The following PPP4R2 variants were observed in gnomAD, a reference collection of about 807,000 sequenced individuals.
The protein encoded by PPP4R2 is serine/threonine-protein phosphatase 4 regulatory subunit 2.
Under a neutral mutation model 47.2 loss-of-function variants are expected in PPP4R2, and 13 were observed. The ratio of observed to expected loss-of-function variants is 0.28; its 90% CI spans 0.18 to 0.44. The LOEUF is 0.44. PPP4R2 is among the 20% of genes least tolerant of loss of function. The pLI is 1.00. For missense variants in PPP4R2, 421 were observed against 491.2 expected, an observed-to-expected ratio of 0.86 and a Z score of 1.35; for synonymous variants, 151 against 163.3, an observed-to-expected ratio of 0.92 and a Z score of 0.57.
intron 2 of PPP4R2, among the ~76,000 whole-genome samples, chr3:73,022,520 G>T (rs1361682186): frequency 6.6e-6 from 1 of 152,148 alleles, no homozygotes; most frequent in Non-Finnish European, 1.5e-5. Flanking sequence ...GGTTAGATTA[G>T]ATGGGAATAA....
chr3:73,010,315 C>T (rs148123776), intron 2 of PPP4R2, among the ~76,000 whole-genome samples: 1 of 152,146 alleles, frequency 6.6e-6, no homozygotes, highest in Non-Finnish European at 1.5e-5. Context: ...CTTGACCTCC[C>T]GGGCTTAAAT....
chr3:73,014,811 G>A (rs1193108663), intron 2 of PPP4R2: 3 of 403,030 alleles, frequency 7.4e-6, no homozygotes, highest in African/African-American at 6.1e-5. Context: ...AGATTTGAAA[G>A]TGATAATATT....
At position 73,065,145 on chromosome 3, in the gene PPP4R2, T is replaced by C. The variant is rs1183052031; in HGVS notation, c.928+4T>C. On this transcript the variant is annotated splice_donor_region_variant and intron_variant, in intron 8 of 8. Transcript: ENST00000356692. ...GAGGATGAAGAGGAAGAAGAAGGTA[T>C]TTAGAGACCATCTGTAAAAGGGTGG... is the stretch of plus-strand genomic sequence containing the variant. 7.5e-6 allele frequency: 12 copies of C among 1,594,122 alleles called. No individual in the cohort carries two copies. The highest frequency in any genetic ancestry group is 4.1e-5 in the African/African-American group (3 of 73,934).
At position 73,026,366 on chromosome 3, in the gene PPP4R2, C is replaced by T. The variant is rs1398078607; in HGVS notation, c.117-20820C>T. 3.3e-5 allele frequency among the ~76,000 whole-genome samples: 5 copies of T among 152,072 alleles called. No individual in the cohort carries two copies. In the East Asian group the frequency reaches 9.6e-4, roughly 29 times the overall value. ...TCTCCCTCTTCTGTGTTGCTCTTGA[C>T]TTTGTGCTCATTTTAAAAGATACAT... is the stretch of plus-strand genomic sequence containing the variant. On this transcript the variant is annotated intron_variant, in intron 2 of 8. Transcript: ENST00000356692.
At chr3:73,035,558 A>G (rs1702246042) in intron 2 of PPP4R2, among the ~76,000 whole-genome samples, 1 of 152,220 alleles carries the variant, frequency 6.6e-6, no homozygotes, top group Non-Finnish European at 1.5e-5. Flanking sequence ...CTGACCTAGC[A>G]ATCCCCACTG....
chr3:73,029,333 A>G (rs1252933753), intron 2 of PPP4R2, among the ~76,000 whole-genome samples: 1 of 152,204 alleles, frequency 6.6e-6, no homozygotes, highest in Admixed American at 6.5e-5. Context: ...AATATATTTG[A>G]GGTAAAGTAA....
intron 2 of PPP4R2, among the ~76,000 whole-genome samples, chr3:73,005,177 G>A (rs1701580544): frequency 6.6e-6 from 1 of 152,080 alleles, no homozygotes; most frequent in South Asian, 2.1e-4. Context: ...TCTTGACCTC[G>A]TGATCTCCCC....
At chr3:72,998,590 T>C (rs1347179568) in intron 2 of PPP4R2, among the ~76,000 whole-genome samples, 1 of 152,230 alleles carries the variant, frequency 6.6e-6, no homozygotes, top group African/African-American at 2.4e-5. Flanking sequence ...TATTTGCATA[T>C]GTAGGTGTTT....
chr3:73,042,664 C>T (rs1009892765), intron 2 of PPP4R2, among the ~76,000 whole-genome samples: 4 of 151,954 alleles, frequency 2.6e-5, no homozygotes, highest in Non-Finnish European at 4.4e-5. Context: ...CGCCTGGCCC[C>T]TGAATTATAT....
At chr3:73,019,366 ATTATT>A (rs1701913772) in intron 2 of PPP4R2, among the ~76,000 whole-genome samples, 1 of 152,198 alleles carries the variant, frequency 6.6e-6, no homozygotes, top group East Asian at 1.9e-4. Context: ...CAAAGGAACT[ATTATT>A]TTATTTATTT....
rs1559571966 is a variant in PPP4R2 at position 73,064,938 on chromosome 3, G to A, written c.725G>A (p.Gly242Glu). The change falls in exon 8 of 9, where the codon GGG becomes GAG. Residue 242 changes from glycine to glutamate, a missense_variant. This residue lies in a region of PPP4R2 where 317 missense variants were observed against 287.5 expected (regional missense o/e 1.10). Transcript: ENST00000356692. ...GATGAAGATGCTGTGGAAGCTGAGG[G>A]GCATGAGGTAAAAAGACTCAGGTTT... The part of the protein sequence containing the change: ...HPDEDAVEAE[G>E]HEVKRLRFDK... 3 of 1,613,792 alleles carry A rather than the reference G, an allele frequency of 1.9e-6. No homozygotes were observed. Among genetic ancestry groups the A allele is most frequent in the African/African-American group, 2.7e-5 (2 of 74,994 alleles).
chr3:73,021,666 A>G (rs1295226689), intron 2 of PPP4R2, among the ~76,000 whole-genome samples: 1 of 152,158 alleles, frequency 6.6e-6, no homozygotes, highest in Non-Finnish European at 1.5e-5. Flanking sequence ...TCCTGATTTT[A>G]CATTGTTTGC....
At chr3:73,027,686 T>TGTGTGTG (rs1246443182) in intron 2 of PPP4R2, 3 of 129,470 alleles carry the variant, frequency 2.3e-5, no homozygotes, top group East Asian at 5.3e-4. Context: ...GTGTGTGTGT[T>TGTGTGTG]TGTGTGTGTG....
intron 2 of PPP4R2, among the ~76,000 whole-genome samples, chr3:73,018,272 A>C (rs1355682270): frequency 1.3e-5 from 2 of 152,038 alleles, no homozygotes; most frequent in Non-Finnish European, 2.9e-5. Flanking sequence ...CTGCCTACAC[A>C]ATGGACTGCT....
At chr3:73,036,600 C>T (rs1429939707) in intron 2 of PPP4R2, among the ~76,000 whole-genome samples, 1 of 152,132 alleles carries the variant, frequency 6.6e-6, no homozygotes, top group East Asian at 1.9e-4. Context: ...CATTTAGTAG[C>T]GTTGACATGT....
At chr3:73,009,194 T>C (rs1701673712) in intron 2 of PPP4R2, among the ~76,000 whole-genome samples, 1 of 152,202 alleles carries the variant, frequency 6.6e-6, no homozygotes, top group South Asian at 2.1e-4. Context: ...GAGGAATCTC[T>C]GTGCTGCAGC....
chr3:73,023,087 GTTTA>G (rs946379974), intron 2 of PPP4R2, among the ~76,000 whole-genome samples: 11 of 152,018 alleles, frequency 7.2e-5, no homozygotes, highest in African/African-American at 1.4e-4. Context: ...CTTTGTGACT[GTTTA>G]AGAGATTTTG....
chr3:72,997,710 TAGAA>T (rs776158974), intron 1 of PPP4R2, among the ~76,000 whole-genome samples: 5 of 152,174 alleles, frequency 3.3e-5, no homozygotes, highest in African/African-American at 4.8e-5. Flanking sequence ...TGGTGCTTCT[TAGAA>T]AGGCAGATTT....
At chr3:73,008,892 A>C (rs1242041385) in intron 2 of PPP4R2, among the ~76,000 whole-genome samples, 1 of 152,192 alleles carries the variant, frequency 6.6e-6, no homozygotes, top group Admixed American at 6.5e-5. Context: ...TTCATCACGT[A>C]GTTACTATAT....
Sources: gnomAD v4.1 joint callset for allele counts (sites outside exome capture counted in the v4.1 genomes callset) on GRCh38, gnomAD v4.1.1 for gene constraint, gnomAD v4.1.1 regional missense constraint, MANE v1.5 for transcripts, NCBI Gene and HGNC (gene_info 2026-07-23, HGNC 2026-07-21) for gene names.